The following RNF150 variants were observed in gnomAD, a reference collection of about 807,000 sequenced individuals.
RNF150 encodes the protein ring finger protein 150.
In RNF150, 24 loss-of-function variants were observed where a neutral mutation model predicts 39.3. The ratio of observed to expected loss-of-function variants is 0.61; its 90% CI spans 0.44 to 0.86. The LOEUF is 0.86. Among genes scored for constraint, RNF150 ranks in the 40% least tolerant of loss-of-function variants. RNF150 has a pLI of 0.00. For missense variants in RNF150, 502 were observed against 587.8 expected (o/e 0.85, Z 1.51); for synonymous variants, 255 against 227.3 (o/e 1.12, Z -1.10).
rs183236080 is a variant in RNF150, at chr4:141,132,087, T to C, written c.484+238A>G. 1.7e-4 allele frequency among the ~76,000 whole-genome samples: 26 copies of C among 152,260 alleles called. No homozygotes were observed. In the East Asian group the frequency reaches 4.3e-3, roughly 25 times the overall value. On this transcript the variant is annotated intron_variant, in intron 1 of 6. Transcript: ENST00000515673. This position sits in a 1 kb window ranked among gnomAD's most constrained non-coding sequence, Gnocchi z 4.9. The stretch of plus-strand genomic sequence containing the variant: ...GTTAGCCCGCCACGTTGAACCCCTG[T>C]CCAAGCGGCGCTATGCCAAGCTCTC...
intron 1 of RNF150, among the ~76,000 whole-genome samples, chr4:141,021,606 G>C (rs1409101034): frequency 6.6e-6 from 1 of 152,122 alleles, no homozygotes; most frequent in African/African-American, 2.4e-5. Flanking sequence ...CTGCAAACTG[G>C]AACACTAAAC....
At chr4:141,007,174 A>G (rs1734899397) in intron 1 of RNF150, among the ~76,000 whole-genome samples, 1 of 152,220 alleles carries the variant, frequency 6.6e-6, no homozygotes, top group African/African-American at 2.4e-5. Flanking sequence ...TCCACATACC[A>G]GAAATACTGA....
intron 1 of RNF150, among the ~76,000 whole-genome samples, chr4:141,143,751 C>G (rs963558227): frequency 6.6e-6 from 1 of 152,150 alleles, no homozygotes; most frequent in Non-Finnish European, 1.5e-5. Flanking sequence ...TCACATGCAA[C>G]AAGCTTTGGT....
chr4:140,968,842 A>G lies in RNF150; in HGVS notation c.485-969T>C, dbSNP rs1733351147. 2.0e-5 allele frequency among the ~76,000 whole-genome samples: 3 copies of G among 151,332 alleles called. No individual in the cohort carries two copies. In the South Asian group the frequency reaches 6.2e-4, roughly 31 times the overall value. On this transcript the variant is annotated intron_variant, in intron 1 of 6. Coordinates refer to ENST00000515673, the MANE Select transcript of RNF150 (RefSeq NM_020724.2). Reference sequence around the variant, plus strand: ...AATATCATACCAGATTCAAATATTAATATTAATTAATATTAATATTTATAT... The same window carrying G: ...AATATCATACCAGATTCAAATATTAGTATTAATTAATATTAATATTTATAT...
chr4:141,133,055 C>A lies in RNF150; in HGVS notation c.-247G>T. ...TTTTGCTTCTTGGGCGCCCGGGGGG[C>A]GCGGGAACAGAGGGCCCGCGGGGCT... On this transcript the variant is annotated 5_prime_UTR_variant, in exon 1 of 7. Transcript: ENST00000515673. The A allele has an allele frequency of 2.4e-6, 1 of 418,230 alleles. No homozygotes were observed. The highest frequency in any genetic ancestry group is 4.3e-6 in the Non-Finnish European group (1 of 233,544). The allele number at this position is 418,230 out of a possible 1,614,324, so 25.9% of individuals were successfully genotyped here.
At chr4:140,876,020 T>C (rs891625126) in intron 6 of RNF150, among the ~76,000 whole-genome samples, 9 of 152,160 alleles carry the variant, frequency 5.9e-5, no homozygotes, top group Non-Finnish European at 8.8e-5. Context: ...AATAAGGTGG[T>C]GGTTAATATA....
intron 1 of RNF150, among the ~76,000 whole-genome samples, chr4:141,139,022 A>G (rs1428979552): frequency 6.6e-6 from 1 of 152,180 alleles, no homozygotes; most frequent in Non-Finnish European, 1.5e-5. Flanking sequence ...CTTAGGCGAC[A>G]TAGGGAGACC....
chr4:140,957,654 T>C (rs1391270280), intron 2 of RNF150, among the ~76,000 whole-genome samples: 2 of 151,768 alleles, frequency 1.3e-5, no homozygotes. Flanking sequence ...CCAACCCAAA[T>C]GTCCAACAAT....
chr4:141,187,131 G>T (rs1357242471), intron 1 of RNF150, among the ~76,000 whole-genome samples: 4 of 152,212 alleles, frequency 2.6e-5, no homozygotes, highest in African/African-American at 4.8e-5. Flanking sequence ...TCATTCAGGT[G>T]TAGGTTGTTC....
chr4:141,114,314 C>T (rs892296156), intron 1 of RNF150, among the ~76,000 whole-genome samples: 22 of 148,846 alleles, frequency 1.5e-4, no homozygotes, highest in Admixed American at 4.7e-4. Flanking sequence ...ACAAAAATGA[C>T]GAGGATATCA....
At chr4:140,918,978 T>A (rs1730979686) in intron 5 of RNF150, among the ~76,000 whole-genome samples, 1 of 152,062 alleles carries the variant, frequency 6.6e-6, no homozygotes, top group African/African-American at 2.4e-5. Context: ...TTTGACAAAA[T>A]TCAACAACCA....
At chr4:140,944,165 A>G (rs934799522) in intron 4 of RNF150, among the ~76,000 whole-genome samples, 4 of 152,240 alleles carry the variant, frequency 2.6e-5, no homozygotes, top group Non-Finnish European at 5.9e-5. Context: ...AGAGAAGATA[A>G]TAAAATGAAA....
intron 6 of RNF150, among the ~76,000 whole-genome samples, chr4:140,868,868 A>G (rs540680989): frequency 6.6e-6 from 1 of 152,352 alleles, no homozygotes; most frequent in Non-Finnish European, 1.5e-5. Context: ...TTACCATTAC[A>G]CAATTCACGG....
intron 1 of RNF150, among the ~76,000 whole-genome samples, chr4:141,067,896 T>G (rs4627935): frequency 0.78 from 118,827 of 151,526 alleles, 47,442 homozygotes; most frequent in Non-Finnish European, 0.87. Context: ...GTATTTCTAT[T>G]GAAAACAAAT....
intron 1 of RNF150, among the ~76,000 whole-genome samples, chr4:141,000,829 T>C (rs557707951): frequency 6.6e-6 from 1 of 152,284 alleles, no homozygotes; most frequent in South Asian, 2.1e-4. Context: ...GGCATCCTCA[T>C]TTGGAAGTTT....
chr4:141,107,896 A>G (rs1739265468), intron 1 of RNF150, among the ~76,000 whole-genome samples: 1 of 152,180 alleles, frequency 6.6e-6, no homozygotes, highest in Admixed American at 6.6e-5. Flanking sequence ...TTGGGCTGAG[A>G]CAAAGGTAGA....
At chr4:140,952,063 G>A (rs1036867110) in intron 2 of RNF150, among the ~76,000 whole-genome samples, 2 of 152,060 alleles carry the variant, frequency 1.3e-5, no homozygotes, top group African/African-American at 2.4e-5. Flanking sequence ...AGGCTGGAGT[G>A]CAGTGGTGCG....
intron 1 of RNF150, among the ~76,000 whole-genome samples, chr4:141,054,628 G>A (rs1414473503): frequency 6.6e-6 from 1 of 152,070 alleles, no homozygotes; most frequent in Non-Finnish European, 1.5e-5. Flanking sequence ...GTCAAGTCAT[G>A]TCTTTCCCCC....
intron 1 of RNF150, among the ~76,000 whole-genome samples, chr4:141,051,521 C>A (rs1425501575): frequency 2.6e-5 from 4 of 152,174 alleles, no homozygotes; most frequent in African/African-American, 9.7e-5. Context: ...TTTCTTCTGC[C>A]AGATACCCTA....
Sources: allele counts gnomAD v4.1 joint callset (sites outside exome capture counted in the v4.1 genomes callset), GRCh38; gene constraint gnomAD v4.1.1; non-coding constraint Gnocchi (gnomAD v3.1); transcripts MANE v1.5; gene names NCBI Gene and HGNC (gene_info 2026-07-23, HGNC 2026-07-21).